RNF180: variants seen among roughly 807,000 people sequenced by gnomAD.
The protein encoded by RNF180 is E3 ubiquitin-protein ligase RNF180.
RNF180 carries 38 observed loss-of-function variants against 59.2 expected under a neutral mutation model. The observed-to-expected ratio is 0.64, with a 90% confidence interval of 0.50 to 0.84. The LOEUF (loss-of-function observed/expected upper bound fraction) is 0.84, where lower values mean the gene tolerates loss of function less well. Ranked by LOEUF, RNF180 falls within the 40% of genes least tolerant of loss-of-function variation. RNF180 has a pLI of 0.00. For synonymous variants in RNF180, 262 were observed against 240.3 expected, an observed-to-expected ratio of 1.09 and a Z score of -0.84; for missense variants, 705 against 700.9, an observed-to-expected ratio of 1.01 and a Z score of -0.07.
chr5:64,273,248 G>A lies in RNF180; in HGVS notation c.1228-51938G>A, dbSNP rs184612268. Among the ~76,000 whole-genome samples the A allele has an allele frequency of 2.0e-5, 3 of 152,024 alleles. No individual in the cohort carries two copies. In the East Asian group the frequency reaches 5.8e-4, roughly 29 times the overall value. ...AGGGAAGGAACCCTCAGTTCTGGGG[G>A]GAATTGCCCACCCTTTTCCTGGAAA... On this transcript the variant is annotated intron_variant, in intron 5 of 7. Coordinates refer to ENST00000389100, the MANE Select transcript of RNF180 (RefSeq NM_001113561.2).
intron 5 of RNF180, among the ~76,000 whole-genome samples, chr5:64,242,203 C>G (rs182806038): frequency 6.6e-6 from 1 of 152,186 alleles, no homozygotes; most frequent in Non-Finnish European, 1.5e-5. Flanking sequence ...CTACACTGAT[C>G]GTGGCTGCTT....
chr5:64,329,592 G>A (rs537143200), intron 6 of RNF180, among the ~76,000 whole-genome samples: 1 of 151,910 alleles, frequency 6.6e-6, no homozygotes, highest in Admixed American at 6.6e-5. Flanking sequence ...CAAGTAGCTG[G>A]GACTGCAGGT....
At chr5:64,346,211 A>G (rs1019103991) in intron 7 of RNF180, among the ~76,000 whole-genome samples, 2 of 151,984 alleles carry the variant, frequency 1.3e-5, no homozygotes, top group Non-Finnish European at 2.9e-5. Context: ...CTTATCTTGG[A>G]AAATTCCAAG....
chr5:64,309,512 T>G (rs1393361110), intron 5 of RNF180, among the ~76,000 whole-genome samples: 1 of 151,674 alleles, frequency 6.6e-6, no homozygotes, highest in Non-Finnish European at 1.5e-5. Flanking sequence ...CTCCATAATG[T>G]AAATTTTTTT....
intron 5 of RNF180, among the ~76,000 whole-genome samples, chr5:64,284,969 C>T (rs1018852849): frequency 1.3e-5 from 2 of 152,202 alleles, no homozygotes; most frequent in Admixed American, 1.3e-4. Context: ...ATCTTTGAAG[C>T]TGTTGTCCTT....
chr5:64,243,018 C>T (rs766546961), intron 5 of RNF180, among the ~76,000 whole-genome samples: 3 of 152,178 alleles, frequency 2.0e-5, no homozygotes, highest in Non-Finnish European at 4.4e-5. Context: ...CCAAGGGAAG[C>T]GTGAGGGACT....
intron 5 of RNF180, among the ~76,000 whole-genome samples, chr5:64,314,430 C>A (rs1206595766): frequency 1.3e-5 from 2 of 152,034 alleles, no homozygotes; most frequent in East Asian, 1.9e-4. Flanking sequence ...GACAATATTG[C>A]CAATTAAGTA....
intron 3 of RNF180, 137 bp downstream of exon 3, chr5:64,212,297 C>T (rs1219778858): frequency 1.6e-6 from 1 of 615,174 alleles, no homozygotes; most frequent in East Asian, 2.8e-5. Flanking sequence ...CCTCTCTTCA[C>T]ACTTCTTTTC....
At chr5:64,230,218 T>C (rs1742019929) in intron 5 of RNF180, among the ~76,000 whole-genome samples, 1 of 152,244 alleles carries the variant, frequency 6.6e-6, no homozygotes, top group African/African-American at 2.4e-5. Flanking sequence ...CTCTGTGTAC[T>C]TTGATACTAT....
chr5:64,214,296 A>G lies in RNF180; in HGVS notation c.970A>G (p.Thr324Ala), dbSNP rs1014513697. ...AGCTGCTTCAGTGTATTCTGACCAT[A>G]CTAATACTAACAATCTGACTTTCCT... ...LEAASVYSDH[T>A]NTNNLTFLMD... Residue 324 changes from threonine to alanine, a missense_variant, in exon 4 of 8, where the codon ACT becomes GCT. Transcript: ENST00000389100. The G allele has an allele frequency of 7.4e-6, 12 of 1,613,938 alleles. No homozygotes were observed. The African/African-American group carries it at 1.1e-4, about 14-fold the overall frequency.
At chr5:64,209,319 G>C (rs1440713126) in intron 2 of RNF180, among the ~76,000 whole-genome samples, 1 of 151,994 alleles carries the variant, frequency 6.6e-6, no homozygotes, top group Non-Finnish European at 1.5e-5. Context: ...AAAATTTATA[G>C]TGGGTAGTGG....
At chr5:64,222,443 A>G (rs577211725) in intron 5 of RNF180, among the ~76,000 whole-genome samples, 8 of 152,324 alleles carry the variant, frequency 5.3e-5, no homozygotes, top group African/African-American at 1.7e-4. Flanking sequence ...GAGGGGGTAC[A>G]TGGGGGTGAA....
rs537399864 is a variant in RNF180, at chr5:64,249,655, A to G, written c.1227+32259A>G. ...TGATATTCCATGCAAAGGGAAACCA[A>G]AAGTGAGCAGGAGTAGCTATACTTA... On this transcript the variant is annotated intron_variant, in intron 5 of 7. Coordinates refer to ENST00000389100, the MANE Select transcript of RNF180 (RefSeq NM_001113561.2). Among the ~76,000 whole-genome samples, 5 of 152,270 alleles carry G rather than the reference A, an allele frequency of 3.3e-5. No homozygotes were observed. The South Asian group carries it at 1.0e-3, about 32-fold the overall frequency.
In RNF180 at chr5:64,352,705, T is replaced by C. The variant is rs143752794; in HGVS notation, c.1580-16910T>C. ...TATTTAGAAAGAATAGATAAAATGA[T>C]TTTTTAAAATAGCTGTCTTCTCAAA... On this transcript the variant is annotated intron_variant, in intron 7 of 7. Coordinates refer to ENST00000389100, the MANE Select transcript of RNF180 (RefSeq NM_001113561.2). Among the ~76,000 whole-genome samples, 279 of 152,158 alleles carry C rather than the reference T, an allele frequency of 1.8e-3. 1 individual carries two copies. The highest frequency in any genetic ancestry group is 0.018 in the East Asian group (94 of 5,156).
intron 5 of RNF180, among the ~76,000 whole-genome samples, chr5:64,273,056 A>G (rs1216152530): frequency 1.3e-5 from 2 of 151,944 alleles, no homozygotes; most frequent in African/African-American, 4.8e-5. Context: ...GAAGCCAGCC[A>G]AAACCCACCA....
chr5:64,186,218 C>T (rs1289989641), intron 1 of RNF180, among the ~76,000 whole-genome samples: 2 of 152,034 alleles, frequency 1.3e-5, no homozygotes, highest in Non-Finnish European at 2.9e-5. Context: ...TGTGCAGCCA[C>T]CTTTCATCTG....
chr5:64,366,559 C>A (rs2112616424), intron 7 of RNF180, among the ~76,000 whole-genome samples: 1 of 151,538 alleles, frequency 6.6e-6, no homozygotes, highest in East Asian at 2.0e-4. Flanking sequence ...GCTTCTCTCC[C>A]CATCTCTTTC....
chr5:64,201,028 A>G (rs1751715796), intron 2 of RNF180, 86 bp downstream of exon 2: 1 of 990,204 alleles, frequency 1.0e-6, no homozygotes, highest in South Asian at 2.2e-5. Flanking sequence ...ATTCTTCTCT[A>G]CCTTATTAAG....
intron 2 of RNF180, among the ~76,000 whole-genome samples, chr5:64,208,146 A>G (rs1365234761): frequency 4.6e-5 from 7 of 152,060 alleles, no homozygotes; most frequent in Admixed American, 3.9e-4. Flanking sequence ...CCAACACTTA[A>G]AGAAAAAATT....
Sources: allele counts gnomAD v4.1 joint callset (sites outside exome capture counted in the v4.1 genomes callset), GRCh38; gene constraint gnomAD v4.1.1; transcripts MANE v1.5; gene names NCBI Gene and HGNC (gene_info 2026-07-23, HGNC 2026-07-21).